The following DPF1 variants were observed in gnomAD, a reference collection of about 807,000 sequenced individuals.
DPF1 encodes double PHD fingers 1.
A neutral mutation model predicts 58.7 loss-of-function variants in DPF1; 14 were observed. The ratio of observed to expected loss-of-function variants is 0.24; its 90% CI spans 0.16 to 0.37. The LOEUF (loss-of-function observed/expected upper bound fraction) is 0.37. Among genes scored for constraint, DPF1 ranks in the 10% least tolerant of loss-of-function variants. The pLI is 1.00. For missense variants in DPF1, 345 were observed against 529.9 expected, an observed-to-expected ratio of 0.65 and a Z score of 3.43; for synonymous variants, 216 against 216.0, an observed-to-expected ratio of 1.00 and a Z score of 0.00.
intron 10 of DPF1, among the ~76,000 whole-genome samples, 189 bp downstream of exon 10, chr19:38,213,455 G>T (rs563418716): frequency 1.8e-4 from 28 of 152,354 alleles, no homozygotes; most frequent in Non-Finnish European, 3.5e-4. Context: ...TCAGAGGGTG[G>T]TTGGGAGGAT....
At chr19:38,227,245 A>G (rs1967871346), upstream of DPF1, among the ~76,000 whole-genome samples, 1 of 151,962 alleles carries the variant, frequency 6.6e-6, no homozygotes, top group African/African-American at 2.4e-5. Flanking sequence ...CACCCGGCTA[A>G]TTTTTGTATT....
chr19:38,214,801 G>A (rs907063272), intron 9 of DPF1, among the ~76,000 whole-genome samples: 16 of 151,574 alleles, frequency 1.1e-4, no homozygotes, highest in Non-Finnish European at 1.6e-4. Flanking sequence ...CGAGTAGCTG[G>A]GACTAATGGG....
At chr19:38,224,517 A>G (rs1967732538), upstream of DPF1, among the ~76,000 whole-genome samples, 1 of 151,444 alleles carries the variant, frequency 6.6e-6, no homozygotes, top group African/African-American at 2.4e-5. This position sits in a 1 kb window ranked among gnomAD's most constrained non-coding sequence, Gnocchi z 4.5. Context: ...CCTCCCACAC[A>G]CTCCTACTCA....
chr19:38,217,802 A>G lies in DPF1; in HGVS notation c.591T>C (p.Cys197=). 6.2e-7 allele frequency: 1 copy of G among 1,613,604 alleles called. No homozygotes were observed. Among genetic ancestry groups the G allele is most frequent in the South Asian group, 1.1e-5 (1 of 91,022 alleles). ...CCCCTCTTCAGAAGGACTCACTATCACAGACATACGGCTTGTCTCGGTCCT... is the reference window on the plus strand; with the variant it reads ...CCCCTCTTCAGAAGGACTCACTATCGCAGACATACGGCTTGTCTCGGTCCT... ...SLEDRDKPYV[C]DICGKRYKNR... Residue 197 remains cysteine (C), a synonymous_variant, in exon 6 of 12, where the codon TGT becomes TGC. Transcript: ENST00000355526.
chr19:38,225,415 T>G (rs965053744), upstream of DPF1, among the ~76,000 whole-genome samples: 2 of 151,508 alleles, frequency 1.3e-5, no homozygotes, highest in African/African-American at 4.9e-5. Flanking sequence ...AAAAAAAAAT[T>G]AAAATTAGCT....
intron 7 of DPF1, 108 bp from the exon 8 acceptor site, chr19:38,216,511 G>A (rs1967031760): frequency 7.6e-7 from 1 of 1,312,600 alleles, no homozygotes; most frequent in South Asian, 1.7e-5. Context: ...TGGGGAGCTG[G>A]GAAGAGTGAG....
In DPF1 at chr19:38,217,791, G is replaced by A. The variant is rs376720192; in HGVS notation, c.595+7C>T. On this transcript the variant is annotated splice_region_variant and intron_variant, in intron 6 of 11. Transcript: ENST00000355526. ...CTCTGCCTTTCCCCCTCTTCAGAAGGACTCACTATCACAGACATACGGCTT... is the reference window on the plus strand; with the variant it reads ...CTCTGCCTTTCCCCCTCTTCAGAAGAACTCACTATCACAGACATACGGCTT... 3 of 1,614,044 alleles carry A rather than the reference G, an allele frequency of 1.9e-6. No individual in the cohort carries two copies. The highest frequency in any genetic ancestry group is 8.5e-7 in the Non-Finnish European group (1 of 1,180,006).
In DPF1 at chr19:38,219,383, C is replaced by T. The variant is rs149008385; in HGVS notation, c.299-325G>A. ...TCAAACATACCCAGACAAATATGGA[C>T]AGATCCAGACACTCGCAGAGGAGAC... On this transcript the variant is annotated intron_variant, in intron 3 of 11. Coordinates refer to ENST00000355526, the MANE Select transcript of DPF1 (RefSeq NM_001135155.3). 3.2e-3 allele frequency: 994 copies of T among 314,782 alleles called. 7 individuals carry two copies. Among genetic ancestry groups the T allele is most frequent in the African/African-American group, 0.02 (914 of 46,860 alleles). The allele number at this position is 314,782 out of a possible 1,614,324, so 19.5% of individuals were successfully genotyped here.
chr19:38,212,237 T>TGGGGGGGGGGGCCC, intron 11 of DPF1, 43 bp downstream of exon 11: 1 of 1,256,810 alleles, frequency 8.0e-7, no homozygotes, highest in Non-Finnish European at 1.1e-6. Context: ...GGAGATGGCG[T>TGGGGGGGGGGGCCC]TCCCACCCAC....
At chr19:38,217,249 A>G (rs1171540821) in intron 7 of DPF1, 1 of 630,670 alleles carries the variant, frequency 1.6e-6, no homozygotes, top group East Asian at 3.0e-5. Context: ...AATCAGACCC[A>G]GAAATATTAC....
At chr19:38,212,774 CTTTTTTTTTT>C (rs11367248) in intron 10 of DPF1, among the ~76,000 whole-genome samples, 1 of 81,684 alleles carries the variant, frequency 1.2e-5, no homozygotes, top group Non-Finnish European at 2.2e-5. Flanking sequence ...CCATGCACGA[CTTTTTTTTTT>C]TTTTTTTTTT....
At chr19:38,217,675 C>G (rs1735163785) in intron 6 of DPF1, 84 bp from the exon 7 acceptor site, 1 of 1,541,468 alleles carries the variant, frequency 6.5e-7, no homozygotes, top group African/African-American at 1.4e-5. Context: ...TCACACCTCC[C>G]CCCTCAGCCA....
chr19:38,211,773 AC>A lies in DPF1; in HGVS notation c.*289del, dbSNP rs1973440108. The A allele has an allele frequency of 2.2e-6, 1 of 445,352 alleles. No homozygotes were observed. The highest frequency in any genetic ancestry group is 3.8e-5 in the East Asian group (1 of 26,424). The allele number at this position is 445,352 out of a possible 1,614,324, so 27.6% of individuals were successfully genotyped here. On this transcript the variant is annotated 3_prime_UTR_variant, in exon 12 of 12. Coordinates refer to ENST00000355526, the MANE Select transcript of DPF1 (RefSeq NM_001135155.3). This position sits in a 1 kb window ranked among gnomAD's most constrained non-coding sequence, Gnocchi z 4.0. ...CTGTCCATGCCCCTGGCTGGCACCC[AC>A]CACCCCCCATGCCCGCCCAGAGGCG...
intron 7 of DPF1, 55 bp downstream of exon 7, chr19:38,217,403 GCT>G: frequency 8.2e-6 from 11 of 1,342,966 alleles, no homozygotes; most frequent in Admixed American, 5.6e-5. Context: ...CCCCAGCTGG[GCT>G]CCTCTTCCCC....
chr19:38,218,525 G>A, intron 5 of DPF1, 48 bp downstream of exon 5: 1 of 1,584,998 alleles, frequency 6.3e-7, no homozygotes, highest in African/African-American at 1.3e-5. Context: ...CCATGAATGA[G>A]ACCTGTCATT....
At chr19:38,217,764 C>G (rs766901326) in intron 6 of DPF1, 34 bp downstream of exon 6, 2 of 1,613,356 alleles carry the variant, frequency 1.2e-6, no homozygotes, top group Non-Finnish European at 1.7e-6. Flanking sequence ...GGGCACCCCT[C>G]TCTCTGCCTT....
In DPF1 at chr19:38,222,788, C is replaced by A; in HGVS notation, c.30-80G>T. 7.0e-7 allele frequency: 1 copy of A among 1,426,542 alleles called. No individual in the cohort carries two copies. The highest frequency in any genetic ancestry group is 1.5e-5 in the South Asian group (1 of 67,408). 88.4% of individuals were successfully genotyped at this position (1,426,542 alleles called of 1,614,324 possible). A position where few individuals can be genotyped will look rare whatever the true frequency, so the allele number is the denominator to read the frequency against. ...CGCCCAGCACCCCTTCCCCGGCTGC[C>A]GGGCCGCCCAGGCTCGGGAGGGGTG... On this transcript the variant is annotated intron_variant, in intron 1 of 11. Coordinates refer to ENST00000355526, the MANE Select transcript of DPF1 (RefSeq NM_001135155.3). The surrounding 1 kb of genome is among the most constrained non-coding windows in gnomAD (Gnocchi z 4.9).
At position 38,212,114 on chromosome 19, in the gene DPF1, G is replaced by A. The variant is rs140623795; in HGVS notation, c.1113C>T (p.Leu371=). ...EPPEGSWSCH[L]CLRHLKEKAS... is the part of the protein sequence containing the mutation. ...CCTTTTCCTTCAGGTGCCGGAGACA[G>A]AGGTGACAGCTCCAGCTCCCTGCGG... Residue 371 remains leucine, a synonymous_variant, in exon 12 of 12, where the codon CTC becomes CTT. Transcript: ENST00000355526. The A allele has an allele frequency of 4.0e-5, 64 of 1,611,638 alleles. No homozygotes were observed. Among genetic ancestry groups the A allele is most frequent in the Admixed American group, 1.0e-4 (6 of 59,812 alleles).
upstream of DPF1, among the ~76,000 whole-genome samples, chr19:38,227,679 G>A (rs1371901828): frequency 2.0e-5 from 3 of 152,208 alleles, 1 homozygote; most frequent in South Asian, 4.1e-4. Flanking sequence ...TTAGCCCCAC[G>A]ACAGTCCCAT....
Sources: gnomAD v4.1 joint callset for allele counts (sites outside exome capture counted in the v4.1 genomes callset) on GRCh38, gnomAD v4.1.1 for gene constraint, Gnocchi (gnomAD v3.1) non-coding constraint, MANE v1.5 for transcripts, NCBI Gene and HGNC (gene_info 2026-07-23, HGNC 2026-07-21) for gene names.